NALCN: variants seen among roughly 807,000 people sequenced by gnomAD.
NALCN encodes the protein sodium leak channel, non-selective, also known as sodium leak channel NALCN.
A neutral mutation model predicts 225.3 loss-of-function variants in NALCN; 111 were observed. The ratio of observed to expected loss-of-function variants is 0.49; its 90% CI spans 0.42 to 0.58. The LOEUF (loss-of-function observed/expected upper bound fraction) is 0.58. Among genes scored for constraint, NALCN ranks in the 20% least tolerant of loss-of-function variants. The pLI, the probability that NALCN is intolerant of heterozygous loss-of-function variation, is 0.00. For synonymous variants in NALCN, 764 were observed against 769.0 expected, an observed-to-expected ratio of 0.99 and a Z score of 0.11; for missense variants, 1,378 against 2,202.4, an observed-to-expected ratio of 0.63 and a Z score of 7.49.
At chr13:101,389,025 A>G (rs2047069777) in intron 3 of NALCN, among the ~76,000 whole-genome samples, 1 of 152,220 alleles carries the variant, frequency 6.6e-6, no homozygotes, top group African/African-American at 2.4e-5. Flanking sequence ...CAGAGATGTT[A>G]GCATTCTCCC....
At chr13:101,330,975 T>A (rs1295319491) in intron 7 of NALCN, among the ~76,000 whole-genome samples, 1 of 152,226 alleles carries the variant, frequency 6.6e-6, no homozygotes, top group Non-Finnish European at 1.5e-5. Context: ...TAAATCTTTT[T>A]CTTTATAAAT....
chr13:101,189,684 T>C (rs2039604790), intron 14 of NALCN, among the ~76,000 whole-genome samples: 2 of 152,228 alleles, frequency 1.3e-5, no homozygotes, highest in Non-Finnish European at 2.9e-5. Flanking sequence ...CTGTTCTCGT[T>C]AACATGTAGA....
At chr13:101,178,635 C>T (rs1195941127) in intron 14 of NALCN, among the ~76,000 whole-genome samples, 2 of 152,172 alleles carry the variant, frequency 1.3e-5, no homozygotes, top group Admixed American at 6.5e-5. Flanking sequence ...GTAAACCTAC[C>T]TACTTGTCAC....
intron 17 of NALCN, among the ~76,000 whole-genome samples, chr13:101,130,331 ACCT>A (rs771140750): frequency 3.3e-5 from 5 of 152,018 alleles, no homozygotes; most frequent in African/African-American, 4.8e-5. Flanking sequence ...CTTCCCGTTC[ACCT>A]CCTCATTTGT....
chr13:101,214,462 C>T (rs1326832200), intron 13 of NALCN, among the ~76,000 whole-genome samples: 1 of 151,618 alleles, frequency 6.6e-6, no homozygotes, highest in Non-Finnish European at 1.5e-5. Context: ...AAAGTCTATC[C>T]ATCTGAGAGT....
chr13:101,415,228 T>TATATATATATATATATATATATATAC (rs137895468), intron 1 of NALCN, among the ~76,000 whole-genome samples: 9 of 129,292 alleles, frequency 7.0e-5, no homozygotes, highest in Non-Finnish European at 1.1e-4. Context: ...TATATATACA[T>TATATATATATATATATATATATATAC]ACATATATAT....
intron 13 of NALCN, among the ~76,000 whole-genome samples, chr13:101,206,930 TATAAAA>T (rs1226607282): frequency 6.6e-6 from 1 of 152,070 alleles, no homozygotes; most frequent in Non-Finnish European, 1.5e-5. Flanking sequence ...CTAATTAGTC[TATAAAA>T]ATATAGTTTT....
intron 18 of NALCN, among the ~76,000 whole-genome samples, chr13:101,118,639 A>C (rs1036782952): frequency 2.6e-5 from 4 of 152,204 alleles, no homozygotes; most frequent in African/African-American, 9.6e-5. Flanking sequence ...AATCTTAAGA[A>C]AAAGCCAACA....
chr13:101,355,595 T>C (rs2046032377), intron 6 of NALCN, among the ~76,000 whole-genome samples: 1 of 152,062 alleles, frequency 6.6e-6, no homozygotes, highest in South Asian at 2.1e-4. Flanking sequence ...CACAAAATAA[T>C]AGTGGGAGAA....
rs113762420 is a variant in NALCN at position 101,345,644 on chromosome 13, A to G, written c.645-224T>C. Among the ~76,000 whole-genome samples the G allele has an allele frequency of 6.4e-3, 968 of 150,294 alleles. 3 individuals carry two copies. Among genetic ancestry groups the G allele is most frequent in the African/African-American group, 0.022 (897 of 40,832 alleles). Reference sequence around the variant, plus strand: ...CATGCCACTGCATTCTAGCCTGGGCAACAGAGCAAGACCTTGAGAGACCTT... The same window carrying G: ...CATGCCACTGCATTCTAGCCTGGGCGACAGAGCAAGACCTTGAGAGACCTT... On this transcript the variant is annotated intron_variant, in intron 6 of 43. Transcript: ENST00000251127.
intron 17 of NALCN, among the ~76,000 whole-genome samples, chr13:101,130,415 G>A (rs1316311753): frequency 6.6e-6 from 1 of 152,160 alleles, no homozygotes; most frequent in African/African-American, 2.4e-5. Context: ...TCCTTATGTA[G>A]TTAGTTGTTA....
chr13:101,186,576 T>C (rs1045727474), intron 14 of NALCN, among the ~76,000 whole-genome samples: 1 of 152,198 alleles, frequency 6.6e-6, no homozygotes, highest in South Asian at 2.1e-4. Context: ...TTGGGTAGTA[T>C]AGAAGTGATA....
intron 11 of NALCN, among the ~76,000 whole-genome samples, chr13:101,257,938 CTTAT>C (rs992870479): frequency 9.9e-5 from 15 of 152,032 alleles, no homozygotes; most frequent in Admixed American, 3.9e-4. Context: ...TAGGGAGATG[CTTAT>C]TTAATCATGA....
At chr13:101,396,963 G>A (rs1188633289) in intron 2 of NALCN, among the ~76,000 whole-genome samples, 2 of 150,560 alleles carry the variant, frequency 1.3e-5, no homozygotes, top group Non-Finnish European at 1.5e-5. Context: ...ATGAATGAAG[G>A]CCTACTATGT....
intron 7 of NALCN, among the ~76,000 whole-genome samples, chr13:101,296,542 T>C (rs74614146): frequency 0.094 from 14,319 of 152,248 alleles, 930 homozygotes; most frequent in African/African-American, 0.17. Context: ...CATTGATACA[T>C]TTAAAATATT....
rs1203020457 is a variant in NALCN at position 101,082,229 on chromosome 13, G to C, written c.3765+580C>G. Among the ~76,000 whole-genome samples the C allele has an allele frequency of 3.3e-5, 5 of 152,260 alleles. No individual in the cohort carries two copies. The East Asian group carries it at 9.6e-4, about 29-fold the overall frequency. ...AAACATGTAGTAACTAAAAATAAGA[G>C]TTTATTACCAAGATATATGATTTTA... On this transcript the variant is annotated intron_variant, in intron 33 of 43. Coordinates refer to ENST00000251127, the MANE Select transcript of NALCN (RefSeq NM_052867.4).
chr13:101,267,012 G>A (rs981169711), intron 10 of NALCN, among the ~76,000 whole-genome samples: 31 of 152,170 alleles, frequency 2.0e-4, no homozygotes, highest in Admixed American at 1.3e-4. Context: ...AGAGAGTCAG[G>A]ACAGAAGGGA....
chr13:101,074,474 T>G, intron 36 of NALCN, 40 bp downstream of exon 36: 1 of 1,481,016 alleles, frequency 6.8e-7, no homozygotes, highest in Non-Finnish European at 9.0e-7. Context: ...TACCAAAGGG[T>G]TTGCTTGATA....
intron 13 of NALCN, among the ~76,000 whole-genome samples, chr13:101,206,925 T>C (rs2040336081): frequency 6.6e-6 from 1 of 152,028 alleles, no homozygotes; most frequent in Non-Finnish European, 1.5e-5. Context: ...CATCACTAAT[T>C]AGTCTATAAA....
Sources: allele counts gnomAD v4.1 joint callset (sites outside exome capture counted in the v4.1 genomes callset), GRCh38; gene constraint gnomAD v4.1.1; transcripts MANE v1.5; gene names NCBI Gene and HGNC (gene_info 2026-07-23, HGNC 2026-07-21).